The following PANX3 variants were observed in gnomAD, a reference collection of about 807,000 sequenced individuals.
The protein encoded by PANX3 is pannexin 3, also known as pannexin-3.
Under a neutral mutation model 31.5 loss-of-function variants are expected in PANX3, and 18 were observed. That is an observed-to-expected ratio of 0.57 (90% CI 0.39 to 0.85). PANX3 has a LOEUF of 0.85. PANX3 is among the 40% of genes least tolerant of loss of function. The pLI is 0.00. For synonymous variants in PANX3, 194 were observed against 201.6 expected (o/e 0.96, Z 0.32); for missense variants, 426 against 485.4 (o/e 0.88, Z 1.15).
At chr11:124,613,581 C>T (rs1015864790) in intron 2 of PANX3, among the ~76,000 whole-genome samples, 1 of 152,150 alleles carries the variant, frequency 6.6e-6, no homozygotes, top group African/African-American at 2.4e-5. Flanking sequence ...CACGGCTCCC[C>T]TGCCTCAATG....
chr11:124,612,245 T>G (rs142188183), intron 1 of PANX3, among the ~76,000 whole-genome samples: 48 of 152,304 alleles, frequency 3.2e-4, no homozygotes, highest in African/African-American at 1.1e-3. Flanking sequence ...ACCCACTGCT[T>G]CCTGTCTACA....
At chr11:124,617,609 ACAT>A (rs1863169358) in intron 3 of PANX3, 121 bp downstream of exon 3, 1 of 891,110 alleles carries the variant, frequency 1.1e-6, no homozygotes, top group African/African-American at 1.6e-5. Flanking sequence ...AGTGCTTAAC[ACAT>A]CATCTCATTA....
At chr11:124,619,248 G>A (rs537089965) in intron 3 of PANX3, 48 bp from the exon 4 acceptor site, 2 of 1,559,626 alleles carry the variant, frequency 1.3e-6, no homozygotes, top group African/African-American at 1.4e-5. Flanking sequence ...TTAGAGTATG[G>A]TTCTAAATGG....
Position 124,617,353 on chromosome 11 carries a change from C to G in PANX3, c.404C>G (p.Ala135Gly). The change falls in exon 3 of 4, where the codon GCC (alanine) becomes GGC (glycine). Residue 135 changes from alanine (A) to glycine (G), a missense_variant. Physicochemically the swap from Ala to Gly is moderately conservative, Grantham distance 60. Coordinates refer to ENST00000284288, the MANE Select transcript of PANX3 (RefSeq NM_052959.3). ...VLLWQYAAVP[A>G]LSSDLLFIIS... ...CTGTGGCAGTATGCAGCTGTGCCAGCCCTCAGCTCCGATCTGCTGTTCATC... is the reference window on the plus strand; with the variant it reads ...CTGTGGCAGTATGCAGCTGTGCCAGGCCTCAGCTCCGATCTGCTGTTCATC... The G allele has an allele frequency of 6.2e-7, 1 of 1,613,160 alleles. No individual in the cohort carries two copies. Among genetic ancestry groups the G allele is most frequent in the Non-Finnish European group, 8.5e-7 (1 of 1,180,026 alleles).
intron 2 of PANX3, among the ~76,000 whole-genome samples, chr11:124,614,670 C>CTTTTTTTTTTT (rs138365917): frequency 2.7e-4 from 26 of 95,328 alleles, no homozygotes; most frequent in Non-Finnish European, 3.2e-4. Flanking sequence ...AACGCCCTTT[C>CTTTTTTTTTTT]TTTTTTTTTT....
chr11:124,615,819 C>G (rs539141574), intron 2 of PANX3, among the ~76,000 whole-genome samples: 1 of 152,198 alleles, frequency 6.6e-6, no homozygotes, highest in African/African-American at 2.4e-5. Context: ...CAAGACCAGC[C>G]TGGCCAACAT....
intron 1 of PANX3, 42 bp downstream of exon 1, chr11:124,611,779 C>T (rs1016908347): frequency 1.9e-6 from 3 of 1,575,780 alleles, no homozygotes; most frequent in South Asian, 1.1e-5. Flanking sequence ...GAGACTCCCC[C>T]TCATGTCACT....
At chr11:124,615,145 C>T (rs924297541) in intron 2 of PANX3, among the ~76,000 whole-genome samples, 3 of 152,000 alleles carry the variant, frequency 2.0e-5, no homozygotes, top group African/African-American at 7.3e-5. Flanking sequence ...TGCAGTGGAG[C>T]AATCTTGGCT....
At position 124,619,996 on chromosome 11, in the gene PANX3, C is replaced by A; in HGVS notation, c.*61C>A. On this transcript the variant is annotated 3_prime_UTR_variant, in exon 4 of 4. Transcript: ENST00000284288. ...TCTCTCTCCTTCCTCATAAGACATG[C>A]ACACTAATACACATACACACCAAAA... 1 of 1,499,428 alleles carries A rather than the reference C, an allele frequency of 6.7e-7. No homozygotes were observed. 92.9% of individuals were successfully genotyped at this position (1,499,428 alleles called of 1,614,324 possible). A position where few individuals can be genotyped will look rare whatever the true frequency, so the allele number is the denominator to read the frequency against.
chr11:124,615,603 C>T (rs1863144377), intron 2 of PANX3, among the ~76,000 whole-genome samples: 1 of 152,160 alleles, frequency 6.6e-6, no homozygotes, highest in African/African-American at 2.4e-5. Flanking sequence ...TCTTTTCATG[C>T]TTTGGTTTCC....
chr11:124,619,743 C>T lies in PANX3; in HGVS notation c.987C>T (p.Ile329=). 1.2e-6 allele frequency: 2 copies of T among 1,614,138 alleles called. No homozygotes were observed. Among genetic ancestry groups the T allele is most frequent in the Non-Finnish European group, 1.7e-6 (2 of 1,180,030 alleles). The change falls in exon 4 of 4, where the codon ATC becomes ATT. Residue 329 remains isoleucine (I), a synonymous_variant. Transcript: ENST00000284288. ...GTCCCATCAATGACCTCAATGTGAT[C>T]CTTCTTTTCCTCCGAGCTAACATCT... The part of the protein sequence containing the change: ...LGCPINDLNV[I]LLFLRANISE...
rs1239912309 is a variant in PANX3, at chr11:124,619,156, G to T, written c.540-140G>T. Reference sequence around the variant, plus strand: ...TGCCTCAGTTTGGGGGAGAAGCATGGTTATGCTCGGGAAGACAGATTTTCA... The same window carrying T: ...TGCCTCAGTTTGGGGGAGAAGCATGTTTATGCTCGGGAAGACAGATTTTCA... On this transcript the variant is annotated intron_variant, in intron 3 of 3. Transcript: ENST00000284288. 1.6e-5 allele frequency: 14 copies of T among 869,948 alleles called. No individual in the cohort carries two copies. The East Asian group carries it at 3.2e-4, about 20-fold the overall frequency. 53.9% of individuals were successfully genotyped at this position (869,948 alleles called of 1,614,324 possible).
At chr11:124,611,948 G>GT (rs1491402004) in intron 1 of PANX3, among the ~76,000 whole-genome samples, 1 of 74,550 alleles carries the variant, frequency 1.3e-5, no homozygotes, top group Non-Finnish European at 2.4e-5. Flanking sequence ...AAATGTTACA[G>GT]TAAAAAAAAA....
At chr11:124,612,681 G>T (rs1565394200) in intron 1 of PANX3, among the ~76,000 whole-genome samples, 1 of 152,150 alleles carries the variant, frequency 6.6e-6, no homozygotes, top group African/African-American at 2.4e-5. Context: ...CCATCAAACC[G>T]CAAGCCTTCT....
chr11:124,617,589 A>C, intron 3 of PANX3, 101 bp downstream of exon 3: 5 of 1,145,210 alleles, frequency 4.4e-6, no homozygotes, highest in Non-Finnish European at 6.4e-6. Flanking sequence ...CATCCTTCTC[A>C]AGAAGGCAAA....
At chr11:124,613,267 A>C in intron 2 of PANX3, 145 bp downstream of exon 2, 1 of 1,046,260 alleles carries the variant, frequency 9.6e-7, no homozygotes, top group South Asian at 1.9e-5. Context: ...GCATTCTCTG[A>C]ATCTGGCAAT....
chr11:124,619,822 AC>A lies in PANX3; in HGVS notation c.1068del (p.Thr357ProfsTer9). 6.2e-7 allele frequency: 1 copy of A among 1,614,122 alleles called. No individual in the cohort carries two copies. The highest frequency in any genetic ancestry group is 1.6e-4 in the Middle Eastern group (1 of 6,062). ...TGTCTTATGTGTGTTGAAGGATACAACCACCCAGAAGCACAATATTGACACA... is the reference window on the plus strand; with the variant it reads ...TGTCTTATGTGTGTTGAAGGATACAACACCCAGAAGCACAATATTGACACA... ...LSVLCVLKDT[T>X]TQKHNIDTVV... On this transcript the variant is annotated frameshift_variant, in exon 4 of 4. Coordinates refer to ENST00000284288, the MANE Select transcript of PANX3 (RefSeq NM_052959.3). LOFTEE classifies it high-confidence loss of function.
Position 124,616,494 on chromosome 11 carries a change from T to C in PANX3, c.325-780T>C, listed in dbSNP as rs1328146954. ...ACCCCATTTCCAAATAAGGTTTCAT[T>C]CTGAGGTACTGAGAATTAGGACTTC... On this transcript the variant is annotated intron_variant, in intron 2 of 3. Coordinates refer to ENST00000284288, the MANE Select transcript of PANX3 (RefSeq NM_052959.3). This position sits in a 1 kb window ranked among gnomAD's most constrained non-coding sequence, Gnocchi z 4.8. 6.6e-6 allele frequency among the ~76,000 whole-genome samples: 1 copy of C among 152,188 alleles called. No individual in the cohort carries two copies. The highest frequency in any genetic ancestry group is 2.4e-5 in the African/African-American group (1 of 41,436).
chr11:124,615,868 C>T lies in PANX3; in HGVS notation c.325-1406C>T, dbSNP rs938962695. ...CTCTACTAAAAACACAAAAAGTAGC[C>T]GGGTGTGGTAGTGAGCACCTATAAT... On this transcript the variant is annotated intron_variant, in intron 2 of 3. Coordinates refer to ENST00000284288, the MANE Select transcript of PANX3 (RefSeq NM_052959.3). Among the ~76,000 whole-genome samples, 15 of 152,056 alleles carry T rather than the reference C, an allele frequency of 9.9e-5. No individual in the cohort carries two copies. The East Asian group carries it at 1.9e-3, about 20-fold the overall frequency.
Sources: gnomAD v4.1 joint callset for allele counts (sites outside exome capture counted in the v4.1 genomes callset) on GRCh38, gnomAD v4.1.1 for gene constraint, Gnocchi (gnomAD v3.1) non-coding constraint, MANE v1.5 for transcripts, NCBI Gene and HGNC (gene_info 2026-07-23, HGNC 2026-07-21) for gene names.